The following SCN7A variants were observed in gnomAD, a reference collection of about 807,000 sequenced individuals.
The protein encoded by SCN7A is sodium channel protein type 7 subunit alpha.
In SCN7A, 138 loss-of-function variants were observed where a neutral mutation model predicts 155.2. That is an observed-to-expected ratio of 0.89 (90% CI 0.77 to 1.02). SCN7A has a LOEUF of 1.02. Among genes scored for constraint, SCN7A ranks in the 50% least tolerant of loss-of-function variants. The pLI is 0.00. For synonymous variants in SCN7A, 693 were observed against 649.0 expected, an observed-to-expected ratio of 1.07 and a Z score of -1.03; for missense variants, 2,058 against 1,986.6, an observed-to-expected ratio of 1.04 and a Z score of -0.68.
Position 166,444,902 on chromosome 2 carries a change from CTT to C in SCN7A, c.1484_1485del (p.Lys495ArgfsTer5). On this transcript the variant is annotated frameshift_variant, in exon 13 of 26. Coordinates refer to ENST00000643258, the MANE Select transcript of SCN7A (RefSeq NM_002976.4). LOFTEE classifies it high-confidence loss of function. The stretch of plus-strand genomic sequence containing the variant: ...GCCATTATAATCCTATGGACAAACT[CTT>C]TCAATTTTAACCAACAGGGAGAACA... ...WNCSPCWLKLKEFVHRIIMAP... is the reference protein window; with the variant it reads ...WNCSPCWLKLXEFVHRIIMAP... 2.5e-6 allele frequency: 4 copies of C among 1,613,342 alleles called. No homozygotes were observed. The highest frequency in any genetic ancestry group is 3.4e-6 in the Non-Finnish European group (4 of 1,179,468).
At chr2:166,483,954 C>T (rs1486431955) in intron 2 of SCN7A, among the ~76,000 whole-genome samples, 1 of 151,838 alleles carries the variant, frequency 6.6e-6, no homozygotes, top group Non-Finnish European at 1.5e-5. Flanking sequence ...ATAGTACATC[C>T]TTAAAAGGAA....
intron 1 of SCN7A, among the ~76,000 whole-genome samples, chr2:166,489,754 C>T (rs1683041881): frequency 6.6e-6 from 1 of 152,158 alleles, no homozygotes; most frequent in East Asian, 1.9e-4. Context: ...TGTTCTGCTT[C>T]CAGGTCAGTC....
chr2:166,462,482 A>G lies in SCN7A; in HGVS notation c.990T>C (p.Asp330=). ...YVCVKAGINP[D]QGFTNFDSFG... ...AACTGTCAAAATTTGTGAAGCCTTG[A>G]TCAGGATTTATGCCAGCTTTTACAC... Residue 330 remains aspartate, a synonymous_variant, in exon 10 of 26, where the codon GAT becomes GAC. Transcript: ENST00000643258. 6.2e-7 allele frequency: 1 copy of G among 1,613,864 alleles called. No individual in the cohort carries two copies. Among genetic ancestry groups the G allele is most frequent in the Non-Finnish European group, 8.5e-7 (1 of 1,179,814 alleles).
intron 15 of SCN7A, among the ~76,000 whole-genome samples, chr2:166,439,055 GTATA>G (rs66783423): frequency 7.3e-4 from 83 of 113,408 alleles, no homozygotes; most frequent in South Asian, 3.8e-3. Context: ...GTGTGTGTGT[GTATA>G]TATATATATA....
intron 25 of SCN7A, 38 bp from the exon 26 acceptor site, chr2:166,406,684 C>T (rs748431696): frequency 3.4e-5 from 45 of 1,324,980 alleles, no homozygotes; most frequent in East Asian, 1.9e-4. Flanking sequence ...ATACATTATT[C>T]AAACACAATA....
chr2:166,491,400 C>A (rs890596384), intron 1 of SCN7A, among the ~76,000 whole-genome samples: 4 of 152,098 alleles, frequency 2.6e-5, no homozygotes, highest in African/African-American at 7.2e-5. Flanking sequence ...ACTGCAGAGA[C>A]AACAGGGATA....
At chr2:166,477,397 C>T in intron 3 of SCN7A, 66 bp downstream of exon 3, 2 of 1,032,326 alleles carry the variant, frequency 1.9e-6, no homozygotes, top group Non-Finnish European at 2.7e-6. Flanking sequence ...ATCTCAATTA[C>T]ATTTTCTGTA....
In SCN7A at chr2:166,472,349, C is replaced by T. The variant is rs1210792854; in HGVS notation, c.540G>A (p.Trp180Ter). 7 of 1,608,474 alleles carry T rather than the reference C, an allele frequency of 4.4e-6. No individual in the cohort carries two copies. Among genetic ancestry groups the T allele is most frequent in the Non-Finnish European group, 5.9e-6 (7 of 1,176,716 alleles). Residue 180 changes from tryptophan (W) to a stop codon, truncating the protein, a stop_gained, in exon 6 of 26, where the codon TGG (tryptophan) becomes TGA (stop). Transcript: ENST00000643258. LOFTEE classifies it high-confidence loss of function. Reference sequence around the variant, plus strand: ...CAGTTACGCTGAAATCGAGCCAGTTCCATGGATCACCGAGGAAGGAAAATG... The same window carrying T: ...CAGTTACGCTGAAATCGAGCCAGTTTCATGGATCACCGAGGAAGGAAAATG... ...AGSFSFLGDP[W>*]NWLDFSVTVF...
At chr2:166,444,721 A>G (rs1702025310) in intron 13 of SCN7A, 41 bp downstream of exon 13, 5 of 1,163,922 alleles carry the variant, frequency 4.3e-6, no homozygotes, top group Non-Finnish European at 6.2e-6. Context: ...AATGATAACT[A>G]AGAAACTGCA....
At chr2:166,492,828 A>G (rs902128923) in intron 1 of SCN7A, among the ~76,000 whole-genome samples, 2 of 152,210 alleles carry the variant, frequency 1.3e-5, no homozygotes, top group Non-Finnish European at 2.9e-5. Flanking sequence ...CATCTCTGTC[A>G]ATTAGTTTTT....
intron 1 of SCN7A, among the ~76,000 whole-genome samples, chr2:166,492,452 A>C (rs1431444779): frequency 2.6e-5 from 4 of 152,222 alleles, no homozygotes; most frequent in African/African-American, 9.6e-5. Flanking sequence ...TGATGGCTTC[A>C]TCCCCAGGAA....
At chr2:166,486,032 C>T (rs1200843521) in intron 2 of SCN7A, among the ~76,000 whole-genome samples, 1 of 152,166 alleles carries the variant, frequency 6.6e-6, no homozygotes, top group Non-Finnish European at 1.5e-5. Context: ...CAGATTATAA[C>T]TTGCCCTTCA....
chr2:166,457,574 T>A (rs1296913994), intron 10 of SCN7A, among the ~76,000 whole-genome samples: 2 of 152,200 alleles, frequency 1.3e-5, no homozygotes, highest in Non-Finnish European at 2.9e-5. Context: ...AGAGCAGGAC[T>A]ATTTCTTTGC....
Position 166,423,461 on chromosome 2 carries a change from T to C in SCN7A, c.2854-29A>G, listed in dbSNP as rs76901419. 2,235 of 1,490,046 alleles carry C rather than the reference T, an allele frequency of 1.5e-3. 37 individuals are homozygous for C. In the African/African-American group the frequency reaches 0.029, roughly 19 times the overall value. The allele number at this position is 1,490,046 out of a possible 1,614,324, so 92.3% of individuals were successfully genotyped here. On this transcript the variant is annotated intron_variant, in intron 18 of 25. Coordinates refer to ENST00000643258, the MANE Select transcript of SCN7A (RefSeq NM_002976.4). ...TGGGTAAAAATAAAAAAATAAGGATTAGGTGTACAGGTAATTTCTAAAAAC... is the reference window on the plus strand; with the variant it reads ...TGGGTAAAAATAAAAAAATAAGGATCAGGTGTACAGGTAATTTCTAAAAAC...
At chr2:166,453,490 T>C (rs1702215931) in intron 11 of SCN7A, among the ~76,000 whole-genome samples, 1 of 152,202 alleles carries the variant, frequency 6.6e-6, no homozygotes, top group Admixed American at 6.5e-5. Context: ...CTTCATAAAA[T>C]TTTTTCAGTT....
At chr2:166,450,982 A>T (rs1702165238) in intron 11 of SCN7A, among the ~76,000 whole-genome samples, 1 of 152,174 alleles carries the variant, frequency 6.6e-6, no homozygotes, top group African/African-American at 2.4e-5. Context: ...GGGATTTCTT[A>T]TATGTATCTC....
chr2:166,441,288 TG>T (rs1559105342), intron 15 of SCN7A, 107 bp downstream of exon 15: 1 of 732,806 alleles, frequency 1.4e-6, no homozygotes, highest in Non-Finnish European at 2.2e-6. Context: ...GTTACTCTAT[TG>T]GACTACCACA....
chr2:166,425,895 A>G (rs1269742473), intron 18 of SCN7A, among the ~76,000 whole-genome samples: 1 of 152,130 alleles, frequency 6.6e-6, no homozygotes, highest in African/African-American at 2.4e-5. Context: ...TTATCAGCCT[A>G]CAGGCTGGAT....
chr2:166,447,150 A>G (rs1443915239), intron 12 of SCN7A, among the ~76,000 whole-genome samples: 2 of 152,228 alleles, frequency 1.3e-5, no homozygotes, highest in Admixed American at 6.5e-5. Context: ...TATTAGAAGA[A>G]AAATGTAGGG....
Sources: allele counts gnomAD v4.1 joint callset (sites outside exome capture counted in the v4.1 genomes callset), GRCh38; gene constraint gnomAD v4.1.1; transcripts MANE v1.5; gene names NCBI Gene and HGNC (gene_info 2026-07-23, HGNC 2026-07-21).